The following CGGBP1 variants were observed in gnomAD, a reference collection of about 807,000 sequenced individuals.
CGGBP1 encodes CGG triplet repeat-binding protein 1.
Under a neutral mutation model 11.4 loss-of-function variants are expected in CGGBP1, and 4 were observed. That is an observed-to-expected ratio of 0.35 (90% confidence interval 0.17 to 0.80). CGGBP1 has a LOEUF of 0.80. Ranked by LOEUF, CGGBP1 falls within the 30% of genes least tolerant of loss-of-function variation. The probability of loss-of-function intolerance (pLI) is 0.52; values close to 1 mark genes in which losing one functional copy is unlikely to be tolerated. For missense variants in CGGBP1, 135 were observed against 202.1 expected (o/e 0.67, Z 2.01); for synonymous variants, 76 against 74.1 (o/e 1.03, Z -0.13).
chr3:88,116,839 T>C (rs112329590), intron 2 of CGGBP1, among the ~76,000 whole-genome samples: 1,567 of 152,252 alleles, frequency 0.01, 26 homozygotes, highest in African/African-American at 0.035. Flanking sequence ...ACTTTCTTCT[T>C]CTCTCTTTGT....
chr3:88,061,896 A>G (rs1706906900), upstream of CGGBP1, among the ~76,000 whole-genome samples: 2 of 152,182 alleles, frequency 1.3e-5, no homozygotes, highest in South Asian at 4.1e-4. Context: ...AATTATACAG[A>G]CAGGCTAGTG....
chr3:88,149,130 T>C (rs2107924862), intron 1 of CGGBP1, among the ~76,000 whole-genome samples: 1 of 152,296 alleles, frequency 6.6e-6, no homozygotes, highest in East Asian at 1.9e-4. Flanking sequence ...CTCTCGTAAA[T>C]GTGTGTTGCT....
At position 88,055,258 on chromosome 3, in the gene CGGBP1, T is replaced by C. The variant is rs1706515362; in HGVS notation, c.*215A>G. Reference sequence around the variant, plus strand: ...AGGTTTCAGGTATCCTAGCACACTCTAAACCTAGGTTTTGCTTTATACCAT... The same window carrying C: ...AGGTTTCAGGTATCCTAGCACACTCCAAACCTAGGTTTTGCTTTATACCAT... On this transcript the variant is annotated 3_prime_UTR_variant, in exon 4 of 4. Transcript: ENST00000482016. The surrounding 1 kb of genome is among the most constrained non-coding windows in gnomAD (Gnocchi z 4.2). 7.1e-6 allele frequency: 3 copies of C among 423,942 alleles called. No individual in the cohort carries two copies. The highest frequency in any genetic ancestry group is 7.7e-5 in the South Asian group (1 of 13,026). The allele number at this position is 423,942 out of a possible 1,614,324, so 26.3% of individuals were successfully genotyped here. A position where few individuals can be genotyped will look rare whatever the true frequency, so the allele number is the denominator to read the frequency against.
intron 2 of CGGBP1, among the ~76,000 whole-genome samples, chr3:88,107,400 C>T (rs1704808172): frequency 6.6e-6 from 1 of 152,074 alleles, no homozygotes; most frequent in Admixed American, 6.5e-5. Context: ...TTTTTGTAAA[C>T]AATCTATATC....
intron 2 of CGGBP1, among the ~76,000 whole-genome samples, chr3:88,094,925 G>A (rs1315657450): frequency 1.3e-5 from 2 of 151,964 alleles, no homozygotes; most frequent in Admixed American, 6.6e-5. Context: ...TGATAAAATT[G>A]ACAAAATTTT....
intron 2 of CGGBP1, among the ~76,000 whole-genome samples, chr3:88,097,373 T>G (rs1012907021): frequency 1.3e-5 from 2 of 151,522 alleles, no homozygotes; most frequent in African/African-American, 4.8e-5. Context: ...TTTTTTTTTT[T>G]TTAAATAATG....
chr3:88,125,219 A>C (rs543857551), intron 2 of CGGBP1, among the ~76,000 whole-genome samples: 1 of 151,834 alleles, frequency 6.6e-6, no homozygotes, highest in Non-Finnish European at 1.5e-5. Context: ...CCATCTCAAA[A>C]AAAAAAACAA....
intron 2 of CGGBP1, among the ~76,000 whole-genome samples, chr3:88,136,693 CTGTG>C (rs916259181): frequency 3.3e-5 from 5 of 151,972 alleles, no homozygotes; most frequent in African/African-American, 1.2e-4. Flanking sequence ...ATGGCAGAGA[CTGTG>C]TGTGTTAGGA....
chr3:88,053,290 A>C lies in CGGBP1; in HGVS notation c.*2183T>G, dbSNP rs1230385090. 6.6e-6 allele frequency: 1 copy of C among 152,218 alleles called. No homozygotes were observed. The highest frequency in any genetic ancestry group is 1.5e-5 in the Non-Finnish European group (1 of 68,004). The allele number at this position is 152,218 out of a possible 1,614,324, so 9.4% of individuals were successfully genotyped here. On this transcript the variant is annotated 3_prime_UTR_variant, in exon 4 of 4. Coordinates refer to ENST00000482016, the MANE Select transcript of CGGBP1 (RefSeq NM_001008390.2). The stretch of plus-strand genomic sequence containing the variant: ...TAGCTTCAGGGAACAAAAGTTCCAT[A>C]ATCAATGAAGAAACATTAATACCAA...
chr3:88,109,937 T>TA (rs1353551479), intron 2 of CGGBP1, among the ~76,000 whole-genome samples: 1 of 152,134 alleles, frequency 6.6e-6, no homozygotes, highest in East Asian at 1.9e-4. Context: ...ATCAGATTTT[T>TA]AAAAAAATCT....
upstream of CGGBP1, among the ~76,000 whole-genome samples, chr3:88,061,714 G>A (rs770595533): frequency 1.3e-5 from 2 of 152,080 alleles, 1 homozygote; most frequent in African/African-American, 4.8e-5. Context: ...AGGGAAGCAG[G>A]GGGATTATTT....
At chr3:88,117,779 A>C (rs2107786276) in intron 2 of CGGBP1, among the ~76,000 whole-genome samples, 1 of 152,260 alleles carries the variant, frequency 6.6e-6, no homozygotes, top group East Asian at 1.9e-4. Flanking sequence ...AATCAAATGT[A>C]TTTTTGGGCA....
At chr3:88,138,956 T>G (rs1706963298) in intron 2 of CGGBP1, 1 of 1,245,566 alleles carries the variant, frequency 8.0e-7, no homozygotes, top group Admixed American at 4.0e-5. Context: ...CAAGTAGTGT[T>G]CAAAATCGTG....
intron 2 of CGGBP1, among the ~76,000 whole-genome samples, chr3:88,102,534 T>A (rs1311417289): frequency 1.3e-5 from 2 of 152,232 alleles, no homozygotes; most frequent in Non-Finnish European, 2.9e-5. Flanking sequence ...ATTTCTTTAC[T>A]TAACATGGTT....
At chr3:88,132,152 G>T (rs930935627) in intron 2 of CGGBP1, among the ~76,000 whole-genome samples, 9 of 152,114 alleles carry the variant, frequency 5.9e-5, no homozygotes, top group African/African-American at 2.2e-4. Flanking sequence ...CATTCAGCTA[G>T]TAAGTAGTGA....
chr3:88,140,940 T>G (rs945848662), intron 2 of CGGBP1: 2 of 1,613,388 alleles, frequency 1.2e-6, no homozygotes, highest in African/African-American at 2.7e-5. Flanking sequence ...AGTGAAAAGA[T>G]TAAGATGTGG....
chr3:88,091,859 G>A (rs1708649638), intron 2 of CGGBP1, among the ~76,000 whole-genome samples: 2 of 152,120 alleles, frequency 1.3e-5, no homozygotes, highest in Admixed American at 1.3e-4. Flanking sequence ...CAGCCATGTA[G>A]AACTGTGAGT....
intron 2 of CGGBP1, among the ~76,000 whole-genome samples, chr3:88,125,248 A>C (rs1706029250): frequency 6.6e-6 from 1 of 151,878 alleles, no homozygotes; most frequent in Non-Finnish European, 1.5e-5. Context: ...AAAAAAACCA[A>C]TATCTAATAA....
At chr3:88,070,015 A>C (rs368306690) in intron 2 of CGGBP1, among the ~76,000 whole-genome samples, 3 of 152,308 alleles carry the variant, frequency 2.0e-5, no homozygotes, top group Admixed American at 1.3e-4. Context: ...CTCTCAAATT[A>C]TAGAATTTAT....
Sources: gnomAD v4.1 joint callset for allele counts (sites outside exome capture counted in the v4.1 genomes callset) on GRCh38, gnomAD v4.1.1 for gene constraint, Gnocchi (gnomAD v3.1) non-coding constraint, MANE v1.5 for transcripts, NCBI Gene and HGNC (gene_info 2026-07-23, HGNC 2026-07-21) for gene names.